Variants in HMGCLL1 observed in about 807,000 individuals in gnomAD.
HMGCLL1 encodes the protein 3-hydroxymethyl-3-methylglutaryl-CoA lyase, cytoplasmic.
Under a neutral mutation model 39.1 loss-of-function variants are expected in HMGCLL1, and 36 were observed. The ratio of observed to expected loss-of-function variants is 0.92; its 90% CI spans 0.71 to 1.22. The LOEUF is 1.22. Among genes scored for constraint, HMGCLL1 ranks in the 50% most tolerant of loss-of-function variants. The pLI, the probability that HMGCLL1 is intolerant of heterozygous loss-of-function variation, is 0.00. For synonymous variants in HMGCLL1, 149 were observed against 144.0 expected, an observed-to-expected ratio of 1.03 and a Z score of -0.25; for missense variants, 451 against 416.5, an observed-to-expected ratio of 1.08 and a Z score of -0.72.
At chr6:55,580,406 C>CTTTTTTTTTTTTT (rs145371462), upstream of HMGCLL1, among the ~76,000 whole-genome samples, 167 of 73,262 alleles carry the variant, frequency 2.3e-3, 5 homozygotes, top group African/African-American at 3.4e-3. Flanking sequence ...TTTTTTCTTT[C>CTTTTTTTTTTTTT]TTTTTTTTTT....
intron 3 of HMGCLL1, among the ~76,000 whole-genome samples, chr6:55,539,235 T>A (rs940430338): frequency 1.3e-5 from 2 of 152,164 alleles, no homozygotes; most frequent in Non-Finnish European, 2.9e-5. Flanking sequence ...AACCAAAGTT[T>A]CCAGGCTTTG....
intron 5 of HMGCLL1, among the ~76,000 whole-genome samples, chr6:55,501,603 A>T (rs879625233): frequency 1.3e-5 from 2 of 151,884 alleles, no homozygotes; most frequent in Admixed American, 6.6e-5. Context: ...CCAACAATCT[A>T]TTACAGTGGT....
chr6:55,471,639 T>C (rs1300504055), intron 7 of HMGCLL1, among the ~76,000 whole-genome samples: 2 of 151,858 alleles, frequency 1.3e-5, no homozygotes, highest in East Asian at 1.9e-4. Context: ...TTCCCTTTTA[T>C]GAGTAATACT....
At chr6:55,553,581 G>A (rs1409940347) in intron 1 of HMGCLL1, among the ~76,000 whole-genome samples, 1 of 151,968 alleles carries the variant, frequency 6.6e-6, no homozygotes, top group Non-Finnish European at 1.5e-5. Context: ...GTTAAAAGTG[G>A]GAATAATAAT....
At chr6:55,647,517 T>C in the HMGCLL1 span, among the ~76,000 whole-genome samples, 20 of 151,862 alleles carry the variant, frequency 1.3e-4, no homozygotes, top group Admixed American at 1.2e-3. Flanking sequence ...TCTCTGGTGG[T>C]ATGCTTTAAT....
the HMGCLL1 span, among the ~76,000 whole-genome samples, chr6:55,592,465 A>G: frequency 2.0e-5 from 3 of 152,050 alleles, no homozygotes; most frequent in Admixed American, 6.6e-5. Context: ...ATCTTCAACA[A>G]TAGAATAGCT....
At chr6:55,517,814 T>C (rs1252334154) in intron 3 of HMGCLL1, among the ~76,000 whole-genome samples, 1 of 152,148 alleles carries the variant, frequency 6.6e-6, no homozygotes, top group Non-Finnish European at 1.5e-5. Context: ...AGTTTTTAAA[T>C]ACATATAAAT....
chr6:55,551,112 T>C (rs1326305245), intron 1 of HMGCLL1, among the ~76,000 whole-genome samples: 3 of 150,692 alleles, frequency 2.0e-5, no homozygotes, highest in African/African-American at 7.4e-5. Context: ...GACCTTGTAA[T>C]ACTAAGAGAA....
the HMGCLL1 span, among the ~76,000 whole-genome samples, chr6:55,644,823 A>G: frequency 6.6e-6 from 1 of 152,014 alleles, no homozygotes; most frequent in East Asian, 1.9e-4. Flanking sequence ...AGTTGAAGTC[A>G]GGTAATTTGA....
Position 55,439,418 on chromosome 6 carries a change from C to A in HMGCLL1, c.921+16G>T. ...CAAGGAATGCATGAATATTAAAATA[C>A]GTTAAAGTAACTTACTGTATTGAGC... On this transcript the variant is annotated intron_variant, in intron 8 of 8. Transcript: ENST00000274901. 6.3e-7 allele frequency: 1 copy of A among 1,598,884 alleles called. No homozygotes were observed. The highest frequency in any genetic ancestry group is 8.5e-7 in the Non-Finnish European group (1 of 1,169,874).
rs563051559 is a variant in HMGCLL1 at position 55,577,237 on chromosome 6, T to C, written c.108+1711A>G. The C allele has an allele frequency of 4.8e-4, 297 of 612,936 alleles. 4 individuals carry two copies. In the South Asian group the frequency reaches 0.01, roughly 21 times the overall value. The allele number at this position is 612,936 out of a possible 1,614,324, so 38.0% of individuals were successfully genotyped here. A position where few individuals can be genotyped will look rare whatever the true frequency, so the allele number is the denominator to read the frequency against. The stretch of plus-strand genomic sequence containing the variant: ...TGCTGTGAGTTCAATTACGATAAGA[T>C]AGAAAAAATCACAATTCAACAGTAT... On this transcript the variant is annotated intron_variant, in intron 1 of 8. Transcript: ENST00000274901.
chr6:55,543,359 ATT>A lies in HMGCLL1; in HGVS notation c.109-1221_109-1220del, dbSNP rs1491214223. 7.6e-5 allele frequency among the ~76,000 whole-genome samples: 2 copies of A among 26,316 alleles called. 1 individual carries two copies. Among genetic ancestry groups the A allele is most frequent in the South Asian group, 2.0e-3 (2 of 1,008 alleles). 17.3% of individuals were successfully genotyped at this position (26,316 alleles called of 152,430 possible). ...TCATATATGATATATAATATGATAT[ATT>A]ATATATTATATATATTATATGATAT... On this transcript the variant is annotated intron_variant, in intron 1 of 8. Coordinates refer to ENST00000274901, the MANE Select transcript of HMGCLL1 (RefSeq NM_001042406.2).
chr6:55,530,124 T>A (rs570690217), intron 3 of HMGCLL1, among the ~76,000 whole-genome samples: 1 of 152,124 alleles, frequency 6.6e-6, no homozygotes, highest in Non-Finnish European at 1.5e-5. Context: ...AATATATTTC[T>A]TACTACGTAT....
At position 55,579,070 on chromosome 6, in the gene HMGCLL1, C is replaced by G. The variant is rs1771912273; in HGVS notation, c.-15G>C. On this transcript the variant is annotated 5_prime_UTR_variant, in exon 1 of 9. Coordinates refer to ENST00000274901, the MANE Select transcript of HMGCLL1 (RefSeq NM_001042406.2). ...ACATTCCCCATGGCGGAGCCTGGGG[C>G]GGCAGTCGGCGAGGGGAGGGAGACT... 1.3e-6 allele frequency: 2 copies of G among 1,579,638 alleles called. No individual in the cohort carries two copies. The highest frequency in any genetic ancestry group is 4.6e-5 in the East Asian group (2 of 43,574).
At chr6:55,447,749 T>C (rs559259329) in intron 7 of HMGCLL1, among the ~76,000 whole-genome samples, 1 of 152,128 alleles carries the variant, frequency 6.6e-6, no homozygotes, top group Non-Finnish European at 1.5e-5. Flanking sequence ...TAGTAACACA[T>C]GCCCATTTTA....
the HMGCLL1 span, among the ~76,000 whole-genome samples, chr6:55,627,805 T>C: frequency 7.4e-6 from 1 of 134,724 alleles, no homozygotes; most frequent in African/African-American, 2.8e-5. Flanking sequence ...TTGTACTGGC[T>C]CTCCTTGCTC....
At chr6:55,538,212 A>G (rs1314350723) in intron 3 of HMGCLL1, among the ~76,000 whole-genome samples, 1 of 152,216 alleles carries the variant, frequency 6.6e-6, no homozygotes, top group Non-Finnish European at 1.5e-5. Context: ...GCAGCTTTAT[A>G]AAACCACTGA....
chr6:55,472,827 T>G (rs1262986113), intron 7 of HMGCLL1, among the ~76,000 whole-genome samples: 1 of 151,474 alleles, frequency 6.6e-6, no homozygotes, highest in Non-Finnish European at 1.5e-5. Context: ...CTGCTTGATA[T>G]ATCAATTACC....
chr6:55,640,406 T>C, the HMGCLL1 span, among the ~76,000 whole-genome samples: 2 of 151,938 alleles, frequency 1.3e-5, no homozygotes, highest in Non-Finnish European at 1.5e-5. Flanking sequence ...ATAAATATAA[T>C]ATATACAAAA....
Sources: gnomAD v4.1 joint callset for allele counts (sites outside exome capture counted in the v4.1 genomes callset) on GRCh38, gnomAD v4.1.1 for gene constraint, MANE v1.5 for transcripts, NCBI Gene and HGNC (gene_info 2026-07-23, HGNC 2026-07-21) for gene names.